Variants in COL26A1 observed in about 807,000 individuals in gnomAD.
The protein encoded by COL26A1 is collagen alpha-1(XXVI) chain.
Under a neutral mutation model 59.3 loss-of-function variants are expected in COL26A1, and 41 were observed. That is an observed-to-expected ratio of 0.69 (90% confidence interval 0.54 to 0.90). The LOEUF is 0.90. COL26A1 is among the 40% of genes least tolerant of loss of function. The pLI, the probability that COL26A1 is intolerant of heterozygous loss-of-function variation, is 0.00. For synonymous variants in COL26A1, 266 were observed against 256.0 expected (o/e 1.04, Z -0.37); for missense variants, 612 against 602.3 (o/e 1.02, Z -0.17).
intron 3 of COL26A1, among the ~76,000 whole-genome samples, chr7:101,475,904 TTCTC>T (rs1174004276): frequency 5.1e-5 from 6 of 117,794 alleles, no homozygotes; most frequent in South Asian, 2.5e-4. Flanking sequence ...TTCTCTCTCT[TTCTC>T]TCTCTCTCTC....
intron 1 of COL26A1, among the ~76,000 whole-genome samples, chr7:101,368,908 G>T (rs62465620): frequency 6.6e-6 from 1 of 151,234 alleles, no homozygotes. Flanking sequence ...CTCAAAATCT[G>T]GCTCTTTCCA....
intron 3 of COL26A1, among the ~76,000 whole-genome samples, chr7:101,487,383 A>G (rs1794291520): frequency 6.6e-6 from 1 of 151,930 alleles, no homozygotes; most frequent in Non-Finnish European, 1.5e-5. Flanking sequence ...CCTGCACCCC[A>G]TCACCCCGTG....
chr7:101,390,418 G>A (rs10257998), intron 1 of COL26A1, among the ~76,000 whole-genome samples: 9,374 of 152,048 alleles, frequency 0.062, 668 homozygotes, highest in African/African-American at 0.16. Flanking sequence ...GTGAGGCACT[G>A]AGCCTGGCTT....
At chr7:101,463,913 C>CTCTT (rs367999589) in intron 3 of COL26A1, among the ~76,000 whole-genome samples, 8,436 of 41,060 alleles carry the variant, frequency 0.21, 1,210 homozygotes, top group African/African-American at 0.48. Context: ...TTTTCTTTCT[C>CTCTT]TCTTTCTTTC....
chr7:101,539,263 C>G (rs1339854097), intron 4 of COL26A1, among the ~76,000 whole-genome samples: 1 of 151,690 alleles, frequency 6.6e-6, no homozygotes, highest in East Asian at 1.9e-4. Context: ...TCCCTTTCTT[C>G]CCTTCCTTTT....
chr7:101,475,343 G>A (rs1794006921), intron 3 of COL26A1, among the ~76,000 whole-genome samples: 1 of 151,748 alleles, frequency 6.6e-6, no homozygotes, highest in Non-Finnish European at 1.5e-5. Context: ...AAAGTCTTAT[G>A]ATCTACTTTA....
At chr7:101,424,081 C>T (rs1163396880) in intron 2 of COL26A1, among the ~76,000 whole-genome samples, 5 of 151,398 alleles carry the variant, frequency 3.3e-5, no homozygotes, top group Non-Finnish European at 5.9e-5. Flanking sequence ...GGTTGTGGTG[C>T]GCACCTGTAC....
intron 3 of COL26A1, among the ~76,000 whole-genome samples, chr7:101,463,118 G>T (rs1793653985): frequency 6.6e-6 from 1 of 152,160 alleles, no homozygotes; most frequent in African/African-American, 2.4e-5. Context: ...TTCTCTAAAT[G>T]TGTCAATCTA....
intron 10 of COL26A1, among the ~76,000 whole-genome samples, chr7:101,552,545 A>C (rs1408085751): frequency 1.3e-5 from 2 of 152,162 alleles, no homozygotes; most frequent in African/African-American, 4.8e-5. Context: ...TGAACCCAGG[A>C]GGTAGAGGCT....
At chr7:101,488,499 C>T (rs1794318061) in intron 3 of COL26A1, among the ~76,000 whole-genome samples, 1 of 149,718 alleles carries the variant, frequency 6.7e-6, no homozygotes, top group Non-Finnish European at 1.5e-5. Context: ...CCTCAGCCTC[C>T]TGAGTAGCTG....
intron 3 of COL26A1, among the ~76,000 whole-genome samples, chr7:101,500,387 G>A (rs73411614): frequency 0.02 from 3,078 of 152,188 alleles, 104 homozygotes; most frequent in African/African-American, 0.07. Context: ...ACTTCCTTCT[G>A]GCCGTTGCTT....
Position 101,489,667 on chromosome 7 carries a change from TCC to T in COL26A1, c.385+41881_385+41882del, listed in dbSNP as rs1371993188. ...TTTCTTTCTTTCTTTCTTTCTTCCT[TCC>T]TTCCTTCCTTCCTTTCTTTCTTTCT... On this transcript the variant is annotated intron_variant, in intron 3 of 12. Transcript: ENST00000313669. Among the ~76,000 whole-genome samples the T allele has an allele frequency of 2.2e-4, 11 of 50,280 alleles. 1 individual carries two copies. The highest frequency in any genetic ancestry group is 1.9e-3 in the African/African-American group (9 of 4,850). 33.0% of individuals were successfully genotyped at this position (50,280 alleles called of 152,430 possible).
chr7:101,549,516 G>A (rs1315357824), intron 9 of COL26A1, among the ~76,000 whole-genome samples: 2 of 152,138 alleles, frequency 1.3e-5, no homozygotes, highest in Non-Finnish European at 2.9e-5. Context: ...GATTAGCCGG[G>A]ACCACAGGCG....
chr7:101,548,681 C>T (rs924202978), intron 8 of COL26A1, among the ~76,000 whole-genome samples: 1 of 151,798 alleles, frequency 6.6e-6, no homozygotes, highest in Non-Finnish European at 1.5e-5. Flanking sequence ...TGGGAAGGGG[C>T]CGGGCTGAGG....
At chr7:101,399,326 A>T (rs1357040014) in intron 1 of COL26A1, among the ~76,000 whole-genome samples, 1 of 124,966 alleles carries the variant, frequency 8.0e-6, no homozygotes, top group African/African-American at 3.0e-5. Flanking sequence ...AAAAAGGAAT[A>T]TTCTTTCTAA....
intron 1 of COL26A1, among the ~76,000 whole-genome samples, chr7:101,416,519 C>T (rs939665156): frequency 7.0e-6 from 1 of 143,414 alleles, no homozygotes; most frequent in African/African-American, 2.5e-5. Context: ...TTTGATCATG[C>T]CTTCCAGAGC....
At chr7:101,378,525 CAAAA>C (rs937621811) in intron 1 of COL26A1, among the ~76,000 whole-genome samples, 1 of 151,722 alleles carries the variant, frequency 6.6e-6, no homozygotes. Flanking sequence ...CCATCTAAAA[CAAAA>C]AAAATTTTTT....
chr7:101,451,379 G>A (rs1272859013), intron 3 of COL26A1, among the ~76,000 whole-genome samples: 1 of 146,038 alleles, frequency 6.8e-6, no homozygotes, highest in African/African-American at 2.5e-5. Flanking sequence ...TATATATAAT[G>A]TTATATTTAA....
chr7:101,436,716 T>C (rs1167447321), intron 2 of COL26A1, among the ~76,000 whole-genome samples: 2 of 143,878 alleles, frequency 1.4e-5, no homozygotes, highest in Non-Finnish European at 3.0e-5. Context: ...CCACCAGCAT[T>C]TCATTTTTTT....
Sources: allele counts gnomAD v4.1 joint callset (sites outside exome capture counted in the v4.1 genomes callset), GRCh38; gene constraint gnomAD v4.1.1; transcripts MANE v1.5; gene names NCBI Gene and HGNC (gene_info 2026-07-23, HGNC 2026-07-21).